The following GSG1L variants were observed in gnomAD, a reference collection of about 807,000 sequenced individuals.
The protein encoded by GSG1L is GSG1 like, also known as germ cell-specific gene 1-like protein.
Under a neutral mutation model 42.1 loss-of-function variants are expected in GSG1L, and 24 were observed. The ratio of observed to expected loss-of-function variants is 0.57; its 90% CI spans 0.41 to 0.80. The LOEUF (loss-of-function observed/expected upper bound fraction) is 0.80. GSG1L is among the 30% of genes least tolerant of loss of function. GSG1L has a pLI of 0.00. For synonymous variants in GSG1L, 215 were observed against 203.5 expected (o/e 1.06, Z -0.48); for missense variants, 445 against 472.2 (o/e 0.94, Z 0.53).
chr16:28,033,196 A>C (rs2085987863), intron 1 of GSG1L, among the ~76,000 whole-genome samples: 1 of 152,020 alleles, frequency 6.6e-6, no homozygotes, highest in Admixed American at 6.6e-5. Flanking sequence ...TTGCTGGACC[A>C]CTTCTTCCCT....
In GSG1L at chr16:27,852,634, C is replaced by T. The variant is rs542820157; in HGVS notation, c.551-7573G>A. ...CTGTCACAGGCACTTAGGTGGGGCACGTGAGAGGTGAGAGATGCTGCTGCA... is the reference window on the plus strand; with the variant it reads ...CTGTCACAGGCACTTAGGTGGGGCATGTGAGAGGTGAGAGATGCTGCTGCA... On this transcript the variant is annotated intron_variant, in intron 3 of 6. Coordinates refer to ENST00000447459, the MANE Select transcript of GSG1L (RefSeq NM_001109763.2). Among the ~76,000 whole-genome samples the T allele has an allele frequency of 2.2e-3, 327 of 152,086 alleles. 1 individual carries two copies. Among genetic ancestry groups the T allele is most frequent in the Non-Finnish European group, 3.7e-3 (252 of 67,982 alleles).
intron 1 of GSG1L, among the ~76,000 whole-genome samples, chr16:28,054,376 A>G (rs205416): frequency 0.55 from 83,097 of 151,880 alleles, 23,339 homozygotes; most frequent in South Asian, 0.75. Flanking sequence ...CACCCACATC[A>G]CCCACACTTT....
intron 1 of GSG1L, among the ~76,000 whole-genome samples, chr16:28,034,982 C>T (rs551786542): frequency 2.6e-5 from 4 of 152,138 alleles, no homozygotes; most frequent in Non-Finnish European, 5.9e-5. Context: ...CATCTCTACC[C>T]ACCCCATGTA....
intron 1 of GSG1L, among the ~76,000 whole-genome samples, chr16:27,967,731 G>A (rs1208425278): frequency 1.3e-5 from 2 of 152,152 alleles, no homozygotes; most frequent in Admixed American, 1.3e-4. Flanking sequence ...TGGCCAACAC[G>A]GAGAAACCCC....
At chr16:27,799,945 C>A (rs973371094) in intron 6 of GSG1L, among the ~76,000 whole-genome samples, 1 of 152,180 alleles carries the variant, frequency 6.6e-6, no homozygotes. Context: ...TGTAGATCAG[C>A]AGCATCAGCA....
rs1401836017 is a variant in GSG1L at position 27,947,599 on chromosome 16, A to AAGAAAGAAAGAG, written c.397+15556_397+15557insCTCTTTCTTTCT. 5.4e-3 allele frequency among the ~76,000 whole-genome samples: 464 copies of AAGAAAGAAAGAG among 86,090 alleles called. 16 individuals are homozygous for AAGAAAGAAAGAG. Among genetic ancestry groups the AAGAAAGAAAGAG allele is most frequent in the East Asian group, 0.016 (53 of 3,406 alleles). 56.5% of individuals were successfully genotyped at this position (86,090 alleles called of 152,430 possible). The stretch of plus-strand genomic sequence containing the variant: ...AAAGAAAGAAAGAAAGAAAGAAAGA[A>AAGAAAGAAAGAG]AAAGAAAGAAAGAAAAAGAAAAGTT... On this transcript the variant is annotated intron_variant, in intron 2 of 6. Coordinates refer to ENST00000447459, the MANE Select transcript of GSG1L (RefSeq NM_001109763.2).
At chr16:27,854,433 G>C (rs1245174277) in intron 3 of GSG1L, among the ~76,000 whole-genome samples, 1 of 152,116 alleles carries the variant, frequency 6.6e-6, no homozygotes, top group Non-Finnish European at 1.5e-5. Context: ...TATGAGCAGG[G>C]CTTCCCTAAA....
intron 2 of GSG1L, among the ~76,000 whole-genome samples, chr16:27,930,839 C>T (rs1353621146): frequency 2.0e-5 from 3 of 152,176 alleles, no homozygotes; most frequent in Admixed American, 2.0e-4. Flanking sequence ...ATCCTCCCAC[C>T]TCAGCCTCCC....
rs112817478 is a variant in GSG1L, at chr16:28,023,988, C to T, written c.349+39088G>A. ...GAGGGTGCAGTGAGCCGTGATCACACCACTGCACTCTAGCCTGGATGACAG... is the reference window on the plus strand; with the variant it reads ...GAGGGTGCAGTGAGCCGTGATCACATCACTGCACTCTAGCCTGGATGACAG... On this transcript the variant is annotated intron_variant, in intron 1 of 6. Coordinates refer to ENST00000447459, the MANE Select transcript of GSG1L (RefSeq NM_001109763.2). Among the ~76,000 whole-genome samples the T allele has an allele frequency of 1.6e-4, 24 of 152,222 alleles. 1 individual carries two copies. Among genetic ancestry groups the T allele is most frequent in the Admixed American group, 7.8e-4 (12 of 15,296 alleles).
Position 27,888,533 on chromosome 16 carries a change from TTC to T in GSG1L, c.398-3897_398-3896del, listed in dbSNP as rs1491108702. Among the ~76,000 whole-genome samples, 9 of 27,234 alleles carry T rather than the reference TTC, an allele frequency of 3.3e-4. 1 individual carries two copies. The highest frequency in any genetic ancestry group is 0.022 in the Middle Eastern group (1 of 46). 17.9% of individuals were successfully genotyped at this position (27,234 alleles called of 152,430 possible). A position where few individuals can be genotyped will look rare whatever the true frequency, so the allele number is the denominator to read the frequency against. Reference sequence around the variant, plus strand: ...TTTCTTTCTTTCTTTCTTTCTTTCTTTCTTTCTTTCTTTCTTTCTTTCTTTCT... The same window carrying T: ...TTTCTTTCTTTCTTTCTTTCTTTCTTTTTCTTTCTTTCTTTCTTTCTTTCT... On this transcript the variant is annotated intron_variant, in intron 2 of 6. Transcript: ENST00000447459.
At chr16:28,020,396 G>A (rs2085828850) in intron 1 of GSG1L, among the ~76,000 whole-genome samples, 1 of 152,242 alleles carries the variant, frequency 6.6e-6, no homozygotes, top group Non-Finnish European at 1.5e-5. Context: ...AATGCATGAA[G>A]GGGATGTGTC....
intron 2 of GSG1L, among the ~76,000 whole-genome samples, chr16:27,956,766 GAGCTA>G (rs1221694409): frequency 6.6e-6 from 1 of 151,396 alleles, no homozygotes; most frequent in African/African-American, 2.4e-5. Context: ...CTTCCGACAT[GAGCTA>G]AACTCAAGAA....
chr16:28,023,434 G>A (rs2085866559), intron 1 of GSG1L, among the ~76,000 whole-genome samples: 1 of 152,126 alleles, frequency 6.6e-6, no homozygotes, highest in Admixed American at 6.5e-5. Flanking sequence ...GAACATTCTT[G>A]TGCACATGCG....
At chr16:27,839,654 A>G (rs1165532387) in intron 4 of GSG1L, among the ~76,000 whole-genome samples, 1 of 152,204 alleles carries the variant, frequency 6.6e-6, no homozygotes, top group Non-Finnish European at 1.5e-5. Context: ...TGCCTATCTA[A>G]AGTTTCAGTC....
intron 4 of GSG1L, among the ~76,000 whole-genome samples, chr16:27,844,473 C>G (rs964343619): frequency 1.3e-5 from 2 of 152,154 alleles, no homozygotes; most frequent in East Asian, 3.9e-4. Context: ...AGGCAGGGGT[C>G]GGCAGGGGGT....
At chr16:27,795,854 T>C (rs2082812295) in intron 6 of GSG1L, among the ~76,000 whole-genome samples, 1 of 152,182 alleles carries the variant, frequency 6.6e-6, no homozygotes, top group South Asian at 2.1e-4. Context: ...CCTCCCTCAG[T>C]GAAGAATCAC....
At chr16:27,888,498 T>C (rs1373020484) in intron 2 of GSG1L, among the ~76,000 whole-genome samples, 10 of 6,704 alleles carry the variant, frequency 1.5e-3, no homozygotes, top group African/African-American at 3.7e-3. Context: ...TTTCTTTCTT[T>C]CTTTCTTTCT....
At chr16:27,873,606 A>G (rs74015119) in intron 3 of GSG1L, among the ~76,000 whole-genome samples, 2,535 of 152,336 alleles carry the variant, frequency 0.017, 69 homozygotes, top group African/African-American at 0.058. Context: ...CACAGCCCCA[A>G]GCAAAGGCAG....
At chr16:27,904,604 G>A (rs1264968001) in intron 2 of GSG1L, among the ~76,000 whole-genome samples, 2 of 152,060 alleles carry the variant, frequency 1.3e-5, no homozygotes, top group Non-Finnish European at 2.9e-5. Context: ...GTGAAATCCA[G>A]GTTTCTTCCA....
Sources: allele counts gnomAD v4.1 joint callset (sites outside exome capture counted in the v4.1 genomes callset), GRCh38; gene constraint gnomAD v4.1.1; transcripts MANE v1.5; gene names NCBI Gene and HGNC (gene_info 2026-07-23, HGNC 2026-07-21).